Variants in MYO1E observed in about 807,000 individuals in gnomAD.
MYO1E encodes the protein myosin IE.
MYO1E carries 68 observed loss-of-function variants against 151.1 expected under a neutral mutation model. The observed-to-expected ratio is 0.45, with a 90% CI of 0.37 to 0.55. The LOEUF is 0.55. MYO1E is among the 20% of genes least tolerant of loss of function. The pLI is 0.00. For missense variants in MYO1E, 1,363 were observed against 1,389.3 expected (o/e 0.98, Z 0.30); for synonymous variants, 601 against 501.7 (o/e 1.20, Z -2.64).
intron 1 of MYO1E, among the ~76,000 whole-genome samples, chr15:59,313,741 T>C (rs1300460779): frequency 2.0e-5 from 3 of 152,168 alleles, no homozygotes; most frequent in African/African-American, 7.2e-5. Context: ...GTCTGGCCAA[T>C]GCATTCACGA....
Position 59,296,839 on chromosome 15 carries a change from CTTTTTT to C in MYO1E, c.4-24396_4-24391del, listed in dbSNP as rs10717328. ...ATACAAAGAATTCACATACTTTTTT[CTTTTTT>C]TTTTTTTTTTTTGAGATGGAATCTC... On this transcript the variant is annotated intron_variant, in intron 1 of 27. Transcript: ENST00000288235. Among the ~76,000 whole-genome samples, 334 of 125,546 alleles carry C rather than the reference CTTTTTT, an allele frequency of 2.7e-3. 3 individuals carry two copies. The highest frequency in any genetic ancestry group is 9.4e-3 in the African/African-American group (313 of 33,378). The allele number at this position is 125,546 out of a possible 152,430, so 82.4% of individuals were successfully genotyped here.
chr15:59,280,453 C>T (rs772876322), intron 1 of MYO1E, among the ~76,000 whole-genome samples: 2 of 151,952 alleles, frequency 1.3e-5, no homozygotes, highest in East Asian at 1.9e-4. Flanking sequence ...TGTGAAACCC[C>T]GTCCCTGCTA....
At position 59,250,828 on chromosome 15, in the gene MYO1E, G is replaced by A. The variant is rs556055852; in HGVS notation, c.332+5456C>T. On this transcript the variant is annotated intron_variant, in intron 4 of 27. Transcript: ENST00000288235. ...GCCACTGCAACAGAAATCCTTGGGA[G>A]CAGGTCCTTGAAATCTCTGCCACCT... Among the ~76,000 whole-genome samples the A allele has an allele frequency of 2.9e-4, 44 of 152,256 alleles. No individual in the cohort carries two copies. The South Asian group carries it at 3.1e-3, about 11-fold the overall frequency.
chr15:59,206,201 C>A (rs189803646), intron 14 of MYO1E, among the ~76,000 whole-genome samples: 100 of 152,280 alleles, frequency 6.6e-4, no homozygotes, highest in African/African-American at 2.3e-3. Flanking sequence ...TACCAGTAGG[C>A]ATGGGGAGAC....
chr15:59,342,977 G>C (rs536899882), intron 1 of MYO1E, among the ~76,000 whole-genome samples: 1 of 152,162 alleles, frequency 6.6e-6, no homozygotes, highest in South Asian at 2.1e-4. Context: ...TCTATGCCTT[G>C]AAAAGTTATT....
At chr15:59,214,590 GA>G (rs765050843) in intron 11 of MYO1E, 49 bp downstream of exon 11, 4 of 1,441,614 alleles carry the variant, frequency 2.8e-6, no homozygotes. Context: ...TTGCAGGCCA[GA>G]TGAAATACGT....
chr15:59,308,222 CAAAAAAAAAAAAA>C (rs1189618865), intron 1 of MYO1E, among the ~76,000 whole-genome samples: 201 of 48,530 alleles, frequency 4.1e-3, no homozygotes, highest in Non-Finnish European at 4.5e-3. Context: ...GACTCTGTCT[CAAAAAAAAAAAAA>C]AAAAAAAAAA....
At chr15:59,337,725 G>C (rs563270394) in intron 1 of MYO1E, among the ~76,000 whole-genome samples, 1 of 152,094 alleles carries the variant, frequency 6.6e-6, no homozygotes, top group African/African-American at 2.4e-5. Context: ...CCAGCTACTC[G>C]GGAGGCTGAG....
At chr15:59,217,601 C>T (rs962048651) in intron 10 of MYO1E, among the ~76,000 whole-genome samples, 30 of 133,768 alleles carry the variant, frequency 2.2e-4, no homozygotes, top group African/African-American at 8.2e-4. Context: ...TCTCGGCTCA[C>T]TGCAGCCTTG....
chr15:59,316,467 C>G (rs945026483), intron 1 of MYO1E, among the ~76,000 whole-genome samples: 41 of 152,156 alleles, frequency 2.7e-4, no homozygotes, highest in Middle Eastern at 3.4e-3. Flanking sequence ...CTCTTTCTTC[C>G]CAGCAGTCAC....
At chr15:59,205,347 T>G in intron 15 of MYO1E, 53 bp downstream of exon 15, 1 of 1,559,940 alleles carries the variant, frequency 6.4e-7, no homozygotes, top group East Asian at 2.2e-5. Flanking sequence ...GTTTTCATAT[T>G]GAAAATTTCA....
At chr15:59,186,170 T>C (rs1475243643) in intron 18 of MYO1E, among the ~76,000 whole-genome samples, 2 of 152,194 alleles carry the variant, frequency 1.3e-5, no homozygotes, top group African/African-American at 4.8e-5. Context: ...TAAACCTTGT[T>C]CCTAGTCTAA....
chr15:59,255,375 G>A (rs943736277), intron 4 of MYO1E, among the ~76,000 whole-genome samples: 1 of 151,942 alleles, frequency 6.6e-6, no homozygotes, highest in Admixed American at 6.6e-5. Flanking sequence ...ACCCCAACTG[G>A]AGTTAGTAAG....
rs1214827143 is a variant in MYO1E at position 59,233,527 on chromosome 15, A to G, written c.421-1736T>C. ...AAAAATACAAAAATTAGCTGGGCAT[A>G]GTGGTGCACGCCTGTAGTCCCAGCT... On this transcript the variant is annotated intron_variant, in intron 5 of 27. Transcript: ENST00000288235. Among the ~76,000 whole-genome samples, 10 of 152,018 alleles carry G rather than the reference A, an allele frequency of 6.6e-5. No homozygotes were observed. In the East Asian group the frequency reaches 1.9e-3, roughly 29 times the overall value.
intron 8 of MYO1E, 127 bp from the exon 9 acceptor site, chr15:59,223,318 A>AC: frequency 1.1e-6 from 1 of 882,702 alleles, no homozygotes; most frequent in African/African-American, 1.7e-5. Flanking sequence ...TTACAAAGAA[A>AC]AAAAAAAAAA....
chr15:59,165,886 G>A (rs2079560592), intron 22 of MYO1E, among the ~76,000 whole-genome samples: 1 of 152,200 alleles, frequency 6.6e-6, no homozygotes, highest in Non-Finnish European at 1.5e-5. Context: ...TCCTGTTTTG[G>A]TTGTTTGCTC....
At chr15:59,158,972 G>A (rs546186281) in intron 24 of MYO1E, among the ~76,000 whole-genome samples, 12 of 152,342 alleles carry the variant, frequency 7.9e-5, no homozygotes, top group Non-Finnish European at 1.6e-4. Flanking sequence ...CTGGACAGCA[G>A]GGCCAGAGGA....
At chr15:59,147,615 A>C (rs1172892050) in intron 26 of MYO1E, among the ~76,000 whole-genome samples, 8 of 147,794 alleles carry the variant, frequency 5.4e-5, no homozygotes, top group Non-Finnish European at 1.5e-5. Flanking sequence ...AAAAAAAAAA[A>C]CAATACAAAA....
At chr15:59,303,703 G>C (rs1277243207) in intron 1 of MYO1E, among the ~76,000 whole-genome samples, 2 of 152,250 alleles carry the variant, frequency 1.3e-5, no homozygotes, top group South Asian at 4.2e-4. Flanking sequence ...TGATCATCTC[G>C]CATTTGCCCC....
Sources: allele counts gnomAD v4.1 joint callset (sites outside exome capture counted in the v4.1 genomes callset), GRCh38; gene constraint gnomAD v4.1.1; transcripts MANE v1.5; gene names NCBI Gene and HGNC (gene_info 2026-07-23, HGNC 2026-07-21).